The following SLIT3 variants were observed in gnomAD, a reference collection of about 807,000 sequenced individuals.
SLIT3 encodes slit homolog 3 protein.
SLIT3 carries 68 observed loss-of-function variants against 184.0 expected under a neutral mutation model. The observed-to-expected ratio is 0.37, with a 90% CI of 0.30 to 0.45. The LOEUF (loss-of-function observed/expected upper bound fraction) is 0.45. SLIT3 is among the 20% of genes least tolerant of loss of function. The pLI, the probability that SLIT3 is intolerant of heterozygous loss-of-function variation, is 1.00. For synonymous variants in SLIT3, 831 were observed against 828.6 expected (o/e 1.00, Z -0.05); for missense variants, 1,707 against 2,026.0 (o/e 0.84, Z 3.02).
At chr5:168,954,911 A>G (rs550821338) in intron 4 of SLIT3, among the ~76,000 whole-genome samples, 100 of 152,336 alleles carry the variant, frequency 6.6e-4, no homozygotes, top group Non-Finnish European at 1.2e-3. Flanking sequence ...TGAAAACTTT[A>G]AGAAACGTGT....
At chr5:169,054,788 TG>T (rs1252965474) in intron 4 of SLIT3, among the ~76,000 whole-genome samples, 1 of 152,184 alleles carries the variant, frequency 6.6e-6, no homozygotes, top group East Asian at 1.9e-4. Flanking sequence ...TTCAAGCCCC[TG>T]TTTGCCTAAC....
intron 4 of SLIT3, among the ~76,000 whole-genome samples, chr5:168,889,768 G>A (rs1760371910): frequency 6.6e-6 from 1 of 152,158 alleles, no homozygotes; most frequent in Non-Finnish European, 1.5e-5. Context: ...TCCTCCTGCA[G>A]TTTACATCCT....
chr5:169,053,227 A>T (rs917697526), intron 4 of SLIT3, among the ~76,000 whole-genome samples: 3 of 152,274 alleles, frequency 2.0e-5, no homozygotes, highest in African/African-American at 7.2e-5. Context: ...ATGAAGGGTC[A>T]ATAGATGAGG....
intron 10 of SLIT3, chr5:168,791,653 T>C (rs1231078355): frequency 1.3e-5 from 2 of 152,230 alleles, no homozygotes; most frequent in Non-Finnish European, 2.9e-5. Context: ...TGTTTTGATA[T>C]ATGCTTTCAT....
intron 4 of SLIT3, among the ~76,000 whole-genome samples, chr5:169,052,750 G>A (rs1436003018): frequency 6.6e-6 from 1 of 152,152 alleles, no homozygotes; most frequent in Non-Finnish European, 1.5e-5. Context: ...GTTTTAAGTG[G>A]TAGGAAGGTG....
At position 168,823,283 on chromosome 5, in the gene SLIT3, G is replaced by A. The variant is rs764166222; in HGVS notation, c.606C>T (p.Asn202=). ...ACAGAGTTCGGATCTTCGGCATGTGGTTGAAGCTGGTGACCAGGATGCGAC... is the reference window on the plus strand; with the variant it reads ...ACAGAGTTCGGATCTTCGGCATGTGATTGAAGCTGGTGACCAGGATGCGAC... ...NISRILVTSF[N]HMPKIRTLRL... The change falls in exon 7 of 36, where the codon AAC becomes AAT. Residue 202 remains asparagine, a synonymous_variant. Coordinates refer to ENST00000519560, the MANE Select transcript of SLIT3 (RefSeq NM_003062.4). 6.2e-7 allele frequency: 1 copy of A among 1,614,028 alleles called. No homozygotes were observed. Among genetic ancestry groups the A allele is most frequent in the Non-Finnish European group, 8.5e-7 (1 of 1,179,898 alleles).
At chr5:169,174,610 T>C (rs978307033) in intron 4 of SLIT3, among the ~76,000 whole-genome samples, 2 of 152,218 alleles carry the variant, frequency 1.3e-5, no homozygotes, top group African/African-American at 4.8e-5. Context: ...TTGAGGATGC[T>C]GGAGAAAGAA....
rs1171590615 is a variant in SLIT3, at chr5:168,844,590, T to C, written c.551A>G (p.Glu184Gly). 6.2e-7 allele frequency: 1 copy of C among 1,614,056 alleles called. No homozygotes were observed. The highest frequency in any genetic ancestry group is 8.5e-7 in the Non-Finnish European group (1 of 1,179,996). Residue 184 changes from glutamate to glycine, a missense_variant, in exon 6 of 36, where the codon GAG becomes GGG. Coordinates refer to ENST00000519560, the MANE Select transcript of SLIT3 (RefSeq NM_003062.4). The part of the protein sequence containing the change: ...DGAFRALRDL[E>G]ILTLNNNNIS... ...GATCGCAAAATCAACTCACAGGATCTCCAAATCGCGCAGCGCTCGGAAGGC... is the reference window on the plus strand; with the variant it reads ...GATCGCAAAATCAACTCACAGGATCCCCAAATCGCGCAGCGCTCGGAAGGC...
At chr5:168,985,501 T>G (rs908644418) in intron 4 of SLIT3, among the ~76,000 whole-genome samples, 16 of 152,232 alleles carry the variant, frequency 1.1e-4, no homozygotes, top group African/African-American at 3.9e-4. Flanking sequence ...AGTGGTTGAC[T>G]GCTTGCCTTC....
chr5:168,952,528 C>CAAAAAAAA (rs372134778), intron 4 of SLIT3, among the ~76,000 whole-genome samples: 4 of 77,928 alleles, frequency 5.1e-5, no homozygotes, highest in African/African-American at 1.8e-4. Flanking sequence ...GGGAAAATGC[C>CAAAAAAAA]AAAAAAAAAA....
At chr5:168,935,774 T>C (rs1218966795) in intron 4 of SLIT3, among the ~76,000 whole-genome samples, 1 of 152,220 alleles carries the variant, frequency 6.6e-6, no homozygotes, top group Non-Finnish European at 1.5e-5. Context: ...TCTAAGCTCT[T>C]AGGGCTCTGG....
intron 4 of SLIT3, among the ~76,000 whole-genome samples, chr5:168,996,679 T>G (rs1434323196): frequency 6.6e-6 from 1 of 152,208 alleles, no homozygotes; most frequent in African/African-American, 2.4e-5. Flanking sequence ...GATTTTTTAG[T>G]GGCCCTTCAT....
chr5:168,973,621 A>G (rs1754655803), intron 4 of SLIT3, among the ~76,000 whole-genome samples: 1 of 152,222 alleles, frequency 6.6e-6, no homozygotes, highest in Admixed American at 6.5e-5. Context: ...AAAGGACAGA[A>G]TTCAGTGGTT....
In SLIT3 at chr5:168,807,254, A is replaced by T. The variant is rs543380710; in HGVS notation, c.794-667T>A. On this transcript the variant is annotated intron_variant, in intron 8 of 35. Transcript: ENST00000519560. ...ATTTCAAGCAAAGTGACAGAAAGCCAAGCAAATAGTACCTAAGGAGCTCAT... is the reference window on the plus strand; with the variant it reads ...ATTTCAAGCAAAGTGACAGAAAGCCTAGCAAATAGTACCTAAGGAGCTCAT... Among the ~76,000 whole-genome samples, 4 of 152,348 alleles carry T rather than the reference A, an allele frequency of 2.6e-5. No homozygotes were observed. In the South Asian group the frequency reaches 8.3e-4, roughly 32 times the overall value.
At chr5:168,670,060 C>T in intron 34 of SLIT3, 69 bp from the exon 35 acceptor site, 2 of 1,391,778 alleles carry the variant, frequency 1.4e-6, no homozygotes, top group Non-Finnish European at 2.0e-6. Flanking sequence ...TCCCTCTGTC[C>T]ACCCAGCCAG....
chr5:168,698,265 A>G (rs1762117542), intron 27 of SLIT3, among the ~76,000 whole-genome samples: 1 of 152,246 alleles, frequency 6.6e-6, no homozygotes, highest in Non-Finnish European at 1.5e-5. Flanking sequence ...TGAGTACATC[A>G]GAACGTGATC....
chr5:168,743,692 G>A (rs898160357), intron 20 of SLIT3, among the ~76,000 whole-genome samples: 4 of 152,302 alleles, frequency 2.6e-5, no homozygotes, highest in Middle Eastern at 3.4e-3. Flanking sequence ...TATCAAAAAC[G>A]AAGACGGATC....
At chr5:168,957,772 T>G (rs1156869063) in intron 4 of SLIT3, among the ~76,000 whole-genome samples, 1 of 52,128 alleles carries the variant, frequency 1.9e-5, no homozygotes, top group African/African-American at 1.2e-4. Context: ...TGTGTATGTG[T>G]TGGGGGCGGG....
chr5:168,740,837 A>C (rs1404775965), intron 20 of SLIT3, among the ~76,000 whole-genome samples: 1 of 152,182 alleles, frequency 6.6e-6, no homozygotes, highest in East Asian at 1.9e-4. Context: ...TCGTTCCATG[A>C]GCTTTGGGGA....
Sources: gnomAD v4.1 joint callset for allele counts (sites outside exome capture counted in the v4.1 genomes callset) on GRCh38, gnomAD v4.1.1 for gene constraint, MANE v1.5 for transcripts, NCBI Gene and HGNC (gene_info 2026-07-23, HGNC 2026-07-21) for gene names.